The following STX1B variants were observed in gnomAD, a reference collection of about 807,000 sequenced individuals.
STX1B encodes syntaxin 1B.
In STX1B, 7 loss-of-function variants were observed where a neutral mutation model predicts 39.4. The observed-to-expected ratio is 0.18, with a 90% CI of 0.10 to 0.33. STX1B has a LOEUF of 0.33. Among genes scored for constraint, STX1B ranks in the 10% least tolerant of loss-of-function variants. The pLI, the probability that STX1B is intolerant of heterozygous loss-of-function variation, is 1.00. For synonymous variants in STX1B, 136 were observed against 144.1 expected, an observed-to-expected ratio of 0.94 and a Z score of 0.40; for missense variants, 198 against 383.2, an observed-to-expected ratio of 0.52 and a Z score of 4.04.
intron 5 of STX1B, 21 bp downstream of exon 5, chr16:30,997,481 C>T (rs2056601587): frequency 6.3e-7 from 1 of 1,590,376 alleles, no homozygotes; most frequent in South Asian, 1.1e-5. Context: ...ACCCGACCCC[C>T]AATGGGCTGC....
intron 6 of STX1B, 32 bp from the exon 7 acceptor site, chr16:30,996,788 C>A (rs1311011117): frequency 6.2e-7 from 1 of 1,611,266 alleles, no homozygotes; most frequent in Admixed American, 1.7e-5. Flanking sequence ...TGCTCGGGGG[C>A]TGGGACAGCC....
intron 1 of STX1B, among the ~76,000 whole-genome samples, chr16:31,003,714 C>T (rs766696576): frequency 4.6e-5 from 7 of 152,158 alleles, no homozygotes; most frequent in Non-Finnish European, 1.0e-4. Context: ...TATTTGTTTG[C>T]CCTCAAGACA....
In STX1B at chr16:30,993,500, A is replaced by C. The variant is rs1228944811; in HGVS notation, c.538-16T>G. On this transcript the variant is annotated splice_polypyrimidine_tract_variant and intron_variant, in intron 7 of 9. Transcript: ENST00000215095. ...CCATTTTGATCTAGGGTGACGAGGG[A>C]GAGAGCTACAATCACCCTTCTCCGC... 1 of 1,612,658 alleles carries C rather than the reference A, an allele frequency of 6.2e-7. No individual in the cohort carries two copies. Among genetic ancestry groups the C allele is most frequent in the Non-Finnish European group, 8.5e-7 (1 of 1,179,842 alleles).
chr16:31,006,809 G>A lies in STX1B; in HGVS notation c.30+3558C>T, dbSNP rs144254509. ...GGACAGGGGTAAACTTGTGTGTTTGGATAGCAGAAAGAAGCCCAGTGCCAG... is the reference window on the plus strand; with the variant it reads ...GGACAGGGGTAAACTTGTGTGTTTGAATAGCAGAAAGAAGCCCAGTGCCAG... On this transcript the variant is annotated intron_variant, in intron 1 of 9. Coordinates refer to ENST00000215095, the MANE Select transcript of STX1B (RefSeq NM_052874.5). Among the ~76,000 whole-genome samples, 78 of 152,278 alleles carry A rather than the reference G, an allele frequency of 5.1e-4. 2 individuals carry two copies. In the East Asian group the frequency reaches 0.014, roughly 27 times the overall value.
rs531894965 is a variant in STX1B at position 30,996,826 on chromosome 16, G to T, written c.464-70C>A. On this transcript the variant is annotated intron_variant, in intron 6 of 9. Coordinates refer to ENST00000215095, the MANE Select transcript of STX1B (RefSeq NM_052874.5). The stretch of plus-strand genomic sequence containing the variant: ...GGGGCCTGAGGTGGGGTGATGGGGC[G>T]GGGACCTGGGGCCCACCCTCCCACG... The T allele has an allele frequency of 3.8e-5, 60 of 1,583,228 alleles. No individual in the cohort carries two copies. In the East Asian group the frequency reaches 1.1e-3, roughly 28 times the overall value.
rs767971252 is a variant in STX1B, at chr16:30,997,070, G to A, written c.355-11C>T. ...GGACAGTGTGGAGTGCTACGGTGGG[G>A]GTGGGGGGACAGACGGATCAGGGAG... On this transcript the variant is annotated splice_polypyrimidine_tract_variant and intron_variant, in intron 5 of 9. Transcript: ENST00000215095. 2.5e-6 allele frequency: 4 copies of A among 1,593,566 alleles called. No individual in the cohort carries two copies. Among genetic ancestry groups the A allele is most frequent in the Non-Finnish European group, 3.4e-6 (4 of 1,162,148 alleles).
At chr16:31,004,628 A>G (rs2056646988) in intron 1 of STX1B, among the ~76,000 whole-genome samples, 1 of 151,306 alleles carries the variant, frequency 6.6e-6, no homozygotes. Context: ...GTGAGCTGTG[A>G]TTGTGCCACT....
rs367595151 is a variant in STX1B at position 31,001,209 on chromosome 16, G to A, written c.106-16C>T. ...TCTCTTCCACCTGGAGCAGAAAATC[G>A]GCTATACCCAGCCAAGCTGTCAGGC... On this transcript the variant is annotated splice_polypyrimidine_tract_variant and intron_variant, in intron 2 of 9. Transcript: ENST00000215095. The surrounding 1 kb of genome is among the most constrained non-coding windows in gnomAD (Gnocchi z 5.5). 3.7e-6 allele frequency: 6 copies of A among 1,611,716 alleles called. No individual in the cohort carries two copies. The highest frequency in any genetic ancestry group is 2.2e-5 in the East Asian group (1 of 44,888).
At chr16:31,003,113 T>TG (rs997798994) in intron 1 of STX1B, among the ~76,000 whole-genome samples, 3 of 152,100 alleles carry the variant, frequency 2.0e-5, no homozygotes, top group Non-Finnish European at 4.4e-5. Flanking sequence ...CAGCACAGCC[T>TG]GGGGGGCCTC....
At position 30,992,728 on chromosome 16, in the gene STX1B, G is replaced by T; in HGVS notation, c.*93C>A. 1.3e-6 allele frequency: 1 copy of T among 758,026 alleles called. No individual in the cohort carries two copies. The highest frequency in any genetic ancestry group is 2.2e-6 in the Non-Finnish European group (1 of 453,118). The allele number at this position is 758,026 out of a possible 1,614,324, so 47.0% of individuals were successfully genotyped here. A position where few individuals can be genotyped will look rare whatever the true frequency, so the allele number is the denominator to read the frequency against. On this transcript the variant is annotated 3_prime_UTR_variant, in exon 10 of 10. Transcript: ENST00000215095. The stretch of plus-strand genomic sequence containing the variant: ...CTGCCTGGGTCTGTTTTGGGAGTGA[G>T]CCTGGAGCAGGGGATGGAGTGAAAG...
chr16:30,992,920 T>C lies in STX1B; in HGVS notation c.787-19A>G. 1 of 1,603,822 alleles carries C rather than the reference T, an allele frequency of 6.2e-7. No individual in the cohort carries two copies. The highest frequency in any genetic ancestry group is 8.5e-7 in the Non-Finnish European group (1 of 1,171,796). ...TTTTCTTCTGCAGCAGAAAGAGGAG[T>C]GAGACAGGCAGACAGTGAGAGAGAT... is the stretch of plus-strand genomic sequence containing the variant. On this transcript the variant is annotated intron_variant, in intron 9 of 9. Coordinates refer to ENST00000215095, the MANE Select transcript of STX1B (RefSeq NM_052874.5).
At position 31,008,060 on chromosome 16, in the gene STX1B, C is replaced by T. The variant is rs192401407; in HGVS notation, c.30+2307G>A. Among the ~76,000 whole-genome samples, 319 of 152,136 alleles carry T rather than the reference C, an allele frequency of 2.1e-3. 9 individuals carry two copies. In the East Asian group the frequency reaches 0.035, roughly 17 times the overall value. On this transcript the variant is annotated intron_variant, in intron 1 of 9. Coordinates refer to ENST00000215095, the MANE Select transcript of STX1B (RefSeq NM_052874.5). ...GGTACTGTTGGAAAGACAATCAGTC[C>T]CCTGGGCTAATGTCCCCTCCCACCA...
intron 4 of STX1B, 51 bp downstream of exon 4, chr16:31,000,877 T>C (rs367887852): frequency 3.8e-5 from 61 of 1,598,888 alleles, no homozygotes; most frequent in Non-Finnish European, 4.8e-5. Flanking sequence ...TGAGCCACCA[T>C]GCTCCACCCA....
intron 8 of STX1B, 42 bp downstream of exon 8, chr16:30,993,305 C>T: frequency 6.2e-7 from 1 of 1,613,554 alleles, no homozygotes. Flanking sequence ...GACCTCAGGC[C>T]CAGGGAGGCT....
chr16:31,009,400 T>C (rs534476459), intron 1 of STX1B, among the ~76,000 whole-genome samples: 23 of 152,166 alleles, frequency 1.5e-4, no homozygotes, highest in Admixed American at 3.9e-4. Context: ...GCTCAGTGCA[T>C]TGGGCAGCTC....
intron 1 of STX1B, among the ~76,000 whole-genome samples, chr16:31,004,049 G>C (rs758325473): frequency 2.6e-5 from 4 of 152,114 alleles, no homozygotes; most frequent in Non-Finnish European, 5.9e-5. Context: ...CTGACTTTCC[G>C]CTCCCAGTTA....
intron 1 of STX1B, among the ~76,000 whole-genome samples, chr16:31,004,436 G>A (rs2056646320): frequency 6.6e-6 from 1 of 152,152 alleles, no homozygotes; most frequent in African/African-American, 2.4e-5. Context: ...CACTTTGGGA[G>A]GCTCTGGTGG....
intron 7 of STX1B, among the ~76,000 whole-genome samples, chr16:30,995,864 T>A (rs1049081370): frequency 2.0e-5 from 3 of 151,940 alleles, no homozygotes; most frequent in East Asian, 3.9e-4. Context: ...AAACTTGTTT[T>A]AAAAAAAATA....
intron 1 of STX1B, among the ~76,000 whole-genome samples, chr16:31,009,016 A>G (rs976722468): frequency 1.3e-5 from 2 of 152,172 alleles, no homozygotes; most frequent in Non-Finnish European, 2.9e-5. Context: ...GTAAAAATGT[A>G]ATAAAGAAAC....
Sources: allele counts gnomAD v4.1 joint callset (sites outside exome capture counted in the v4.1 genomes callset), GRCh38; gene constraint gnomAD v4.1.1; non-coding constraint Gnocchi (gnomAD v3.1); transcripts MANE v1.5; gene names NCBI Gene and HGNC (gene_info 2026-07-23, HGNC 2026-07-21).